Variants in LPIN2 observed in about 807,000 individuals in gnomAD.
The protein encoded by LPIN2 is phosphatidate phosphatase LPIN2.
LPIN2 carries 55 observed loss-of-function variants against 111.4 expected under a neutral mutation model. That is an observed-to-expected ratio of 0.49 (90% confidence interval 0.40 to 0.62). The LOEUF (loss-of-function observed/expected upper bound fraction) is 0.62. Among genes scored for constraint, LPIN2 ranks in the 20% least tolerant of loss-of-function variants. The pLI is 0.00. For missense variants in LPIN2, 992 were observed against 1,112.1 expected, an observed-to-expected ratio of 0.89 and a Z score of 1.54; for synonymous variants, 425 against 414.0, an observed-to-expected ratio of 1.03 and a Z score of -0.32.
intron 1 of LPIN2, among the ~76,000 whole-genome samples, chr18:2,990,232 T>C (rs2078245217): frequency 6.6e-6 from 1 of 152,214 alleles, no homozygotes; most frequent in Non-Finnish European, 1.5e-5. Flanking sequence ...AGGGTAAATC[T>C]TCATGATCTT....
Position 2,939,606 on chromosome 18 carries a change from G to A in LPIN2, c.699-3C>T. The stretch of plus-strand genomic sequence containing the variant: ...GACACGCTGTCTGGGGATAGGTGCT[G>A]CAAAGAGAACAAAGACACACGATGA... On this transcript the variant is annotated splice_region_variant and splice_polypyrimidine_tract_variant and intron_variant, in intron 5 of 19. Coordinates refer to ENST00000677752, the MANE Select transcript of LPIN2 (RefSeq NM_001375808.2). 1 of 1,612,808 alleles carries A rather than the reference G, an allele frequency of 6.2e-7. No individual in the cohort carries two copies. Among genetic ancestry groups the A allele is most frequent in the Non-Finnish European group, 8.5e-7 (1 of 1,179,554 alleles).
In LPIN2 at chr18:2,920,361, G is replaced by A; in HGVS notation, c.2623C>T (p.Pro875Ser). Residue 875 changes from proline to serine, a missense_variant, in exon 20 of 20, where the codon CCG becomes TCG. By Grantham distance (74) the Pro-to-Ser change is moderately conservative (BLOSUM62 -1). Transcript: ENST00000677752. The part of the protein sequence containing the change: ...SKEQNSAFPC[P>S]EFSSFCYWRD... ...CAGTAGCAGAAGGAGCTGAACTCCG[G>A]GCAGGGAAAAGCGGAATTCTGCTCC... 6.8e-6 allele frequency: 11 copies of A among 1,614,172 alleles called. No individual in the cohort carries two copies. The highest frequency in any genetic ancestry group is 9.3e-6 in the Non-Finnish European group (11 of 1,180,044).
rs117557292 is a variant in LPIN2 at position 2,973,924 on chromosome 18, C to T, written c.-9-13075G>A. 3.7e-3 allele frequency among the ~76,000 whole-genome samples: 558 copies of T among 152,268 alleles called. 1 individual carries two copies. The highest frequency in any genetic ancestry group is 6.8e-3 in the Middle Eastern group (2 of 294). ...CATCAGAGAGTTTTGGATTTTAGAG[C>T]ATTTTGGATTTCAGATTTTTGGATT... On this transcript the variant is annotated intron_variant, in intron 1 of 19. Transcript: ENST00000677752.
intron 1 of LPIN2, among the ~76,000 whole-genome samples, chr18:2,971,551 G>A (rs1029200098): frequency 4.2e-4 from 64 of 152,280 alleles, no homozygotes; most frequent in African/African-American, 1.5e-3. Context: ...GCTTGGCACA[G>A]TGCCTAGCAA....
chr18:2,956,311 G>GGTGTGTGTGTGTGT (rs55844718), intron 2 of LPIN2, among the ~76,000 whole-genome samples: 1,626 of 144,006 alleles, frequency 0.011, 37 homozygotes, highest in South Asian at 0.02. Context: ...TAGATGCAGG[G>GGTGTGTGTGTGTGT]GTGTGTGTGT....
rs553187695 is a variant in LPIN2, at chr18:2,969,504, A to C, written c.-9-8655T>G. The stretch of plus-strand genomic sequence containing the variant: ...CTTTCTAAATCAGAGCAACCCCATC[A>C]CCTCCACTGTTTGAAGTCGCAGTCA... On this transcript the variant is annotated intron_variant, in intron 1 of 19. Coordinates refer to ENST00000677752, the MANE Select transcript of LPIN2 (RefSeq NM_001375808.2). Among the ~76,000 whole-genome samples, 6 of 152,128 alleles carry C rather than the reference A, an allele frequency of 3.9e-5. 1 individual carries two copies. In the South Asian group the frequency reaches 1.2e-3, roughly 32 times the overall value.
At chr18:2,989,178 A>T (rs1032638892) in intron 1 of LPIN2, among the ~76,000 whole-genome samples, 1 of 152,240 alleles carries the variant, frequency 6.6e-6, no homozygotes, top group Non-Finnish European at 1.5e-5. Flanking sequence ...GTTATGTTAA[A>T]TATCCAAGGA....
rs778114897 is a variant in LPIN2, at chr18:2,922,158, C to T, written c.2216G>A (p.Gly739Asp). 1 of 1,613,852 alleles carries T rather than the reference C, an allele frequency of 6.2e-7. No individual in the cohort carries two copies. The highest frequency in any genetic ancestry group is 8.5e-7 in the Non-Finnish European group (1 of 1,180,030). ...KFLYCSARAI[G>D]MADMTRGYLH... ...GTAGCCACGGGTCATGTCGGCCATG[C>T]CGATGGCACGAGCCGAGCAGTACAG... The change falls in exon 17 of 20, where the codon GGC (glycine) becomes GAC (aspartate). Residue 739 changes from glycine to aspartate, a missense_variant. Gly to Asp is a moderately conservative substitution (Grantham distance 94, BLOSUM62 -1). Transcript: ENST00000677752.
At position 2,919,947 on chromosome 18, in the gene LPIN2, C is replaced by T; in HGVS notation, c.*346G>A. The T allele has an allele frequency of 2.6e-6, 1 of 379,092 alleles. No individual in the cohort carries two copies. Among genetic ancestry groups the T allele is most frequent in the South Asian group, 2.2e-5 (1 of 44,784 alleles). The allele number at this position is 379,092 out of a possible 1,614,324, so 23.5% of individuals were successfully genotyped here. A position where few individuals can be genotyped will look rare whatever the true frequency, so the allele number is the denominator to read the frequency against. ...GGAAACTGGAACACTTCACTGTGTG[C>T]AGTGTTTTGGTCCACTCTTTTTTAG... On this transcript the variant is annotated 3_prime_UTR_variant, in exon 20 of 20. Transcript: ENST00000677752.
In LPIN2 at chr18:2,920,841, C is replaced by G; in HGVS notation, c.2483G>C (p.Arg828Thr). Reference sequence around the variant, plus strand: ...ACCCTTGGGGTTCACGGTGAATATTCTACAGTCTGGAACTCCAACTTGTGT... The same window carrying G: ...ACCCTTGGGGTTCACGGTGAATATTGTACAGTCTGGAACTCCAACTTGTGT... ...AYTQVGVPDCRIFTVNPKGEL... is the reference protein window; with the variant it reads ...AYTQVGVPDCTIFTVNPKGEL... Residue 828 changes from arginine (R) to threonine (T), a missense_variant, in exon 19 of 20, where the codon AGA (arginine) becomes ACA (threonine). Physicochemically the swap from Arg to Thr is moderately conservative, Grantham distance 71. Transcript: ENST00000677752. 1 of 1,614,148 alleles carries G rather than the reference C, an allele frequency of 6.2e-7. No individual in the cohort carries two copies. The highest frequency in any genetic ancestry group is 8.5e-7 in the Non-Finnish European group (1 of 1,180,002).
At position 2,922,107 on chromosome 18, in the gene LPIN2, G is replaced by A. The variant is rs761735532; in HGVS notation, c.2267C>T (p.Thr756Ile). The A allele has an allele frequency of 1.2e-6, 2 of 1,614,072 alleles. No homozygotes were observed. The highest frequency in any genetic ancestry group is 1.7e-5 in the Admixed American group (1 of 60,034). ...CATCAGGGGGCCCCGGGGCAAGATTGTGCCCTTGTCATTGACCCAGTGCAG... is the reference window on the plus strand; with the variant it reads ...CATCAGGGGGCCCCGGGGCAAGATTATGCCCTTGTCATTGACCCAGTGCAG... Reference protein sequence around the residue: ...GYLHWVNDKGTILPRGPLMLS... With the variant: ...GYLHWVNDKGIILPRGPLMLS... The change falls in exon 17 of 20, where the codon ACA becomes ATA. Residue 756 changes from threonine to isoleucine, a missense_variant. Thr to Ile is a moderately conservative substitution (Grantham distance 89). Coordinates refer to ENST00000677752, the MANE Select transcript of LPIN2 (RefSeq NM_001375808.2).
intron 1 of LPIN2, among the ~76,000 whole-genome samples, chr18:2,996,848 T>C (rs1396912400): frequency 6.6e-6 from 1 of 152,184 alleles, no homozygotes; most frequent in Non-Finnish European, 1.5e-5. Flanking sequence ...CATCTCCAAA[T>C]AAAGCATCAT....
chr18:2,927,258 A>G (rs111949085), intron 12 of LPIN2, among the ~76,000 whole-genome samples: 3 of 152,146 alleles, frequency 2.0e-5, no homozygotes, highest in African/African-American at 4.8e-5. Flanking sequence ...GGTGTTGGGG[A>G]AAAAAAGACT....
At chr18:3,012,692 T>TC (rs1472483042) in intron 1 of LPIN2, among the ~76,000 whole-genome samples, 1 of 151,504 alleles carries the variant, frequency 6.6e-6, no homozygotes, top group Non-Finnish European at 1.5e-5. Context: ...CCTTCCGCAC[T>TC]CCCCTCCGCG....
chr18:2,950,920 G>T (rs1317882890), intron 4 of LPIN2, 135 bp downstream of exon 4: 1 of 895,416 alleles, frequency 1.1e-6, no homozygotes, highest in Non-Finnish European at 1.8e-6. Flanking sequence ...TTTGCTGCTT[G>T]ATTCCACAAT....
rs929121703 is a variant in LPIN2, at chr18:2,925,665, T to C, written c.1794-297A>G. On this transcript the variant is annotated intron_variant, in intron 13 of 19. Coordinates refer to ENST00000677752, the MANE Select transcript of LPIN2 (RefSeq NM_001375808.2). This position sits in a 1 kb window ranked among gnomAD's most constrained non-coding sequence, Gnocchi z 4.1. ...TGACTCTTGTTGAAGAGGGTATGTA[T>C]GTTTCACAAGGCACAAATCAAAGAA... 3.3e-5 allele frequency among the ~76,000 whole-genome samples: 5 copies of C among 152,242 alleles called. No individual in the cohort carries two copies. The highest frequency in any genetic ancestry group is 1.2e-4 in the African/African-American group (5 of 41,472).
At chr18:3,008,383 A>G (rs966844836) in intron 1 of LPIN2, among the ~76,000 whole-genome samples, 3 of 152,248 alleles carry the variant, frequency 2.0e-5, no homozygotes, top group African/African-American at 7.2e-5. Flanking sequence ...CGGAGGCTGC[A>G]GTGAGCCGAG....
intron 3 of LPIN2, among the ~76,000 whole-genome samples, chr18:2,952,865 C>G (rs1431131631): frequency 6.6e-6 from 1 of 152,052 alleles, no homozygotes; most frequent in African/African-American, 2.4e-5. Flanking sequence ...TACTGTGCAG[C>G]TATTAAAAGC....
chr18:2,934,121 A>G (rs988462283), intron 8 of LPIN2, among the ~76,000 whole-genome samples: 9 of 152,250 alleles, frequency 5.9e-5, no homozygotes, highest in African/African-American at 1.9e-4. Flanking sequence ...TTTAACTAGT[A>G]TATCTCTCCT....
Sources: allele counts gnomAD v4.1 joint callset (sites outside exome capture counted in the v4.1 genomes callset), GRCh38; gene constraint gnomAD v4.1.1; non-coding constraint Gnocchi (gnomAD v3.1); transcripts MANE v1.5; gene names NCBI Gene and HGNC (gene_info 2026-07-23, HGNC 2026-07-21).